GNB1L: variants seen among roughly 807,000 people sequenced by gnomAD.
GNB1L encodes the protein G protein subunit beta 1 like.
Under a neutral mutation model 29.1 loss-of-function variants are expected in GNB1L, and 20 were observed. The observed-to-expected ratio is 0.69, with a 90% CI of 0.48 to 1.00. GNB1L has a LOEUF of 1.00. Ranked by LOEUF, GNB1L falls within the 50% of genes least tolerant of loss-of-function variation. The probability of loss-of-function intolerance (pLI) is 0.00; values close to 1 mark genes in which losing one functional copy is unlikely to be tolerated. For missense variants in GNB1L, 421 were observed against 464.9 expected, an observed-to-expected ratio of 0.91 and a Z score of 0.87; for synonymous variants, 193 against 206.5, an observed-to-expected ratio of 0.93 and a Z score of 0.56.
chr22:19,802,186 C>T lies in GNB1L; in HGVS notation c.547G>A (p.Ala183Thr). 6.2e-7 allele frequency: 1 copy of T among 1,613,086 alleles called. No individual in the cohort carries two copies. The highest frequency in any genetic ancestry group is 8.5e-7 in the Non-Finnish European group (1 of 1,180,014). ...ADCSSRPLLL[A>T]GYEDGSVVLW... ...ACCACCGATCCATCCTCATAGCCGG[C>T]CAGAAGGAGTGGGCGGGAGCTGCAG... The change falls in exon 7 of 8, where the codon GCC becomes ACC. Residue 183 changes from alanine to threonine, a missense_variant. Ala to Thr is a moderately conservative substitution (Grantham distance 58). Transcript: ENST00000329517.
At position 19,810,070 on chromosome 22, in the gene GNB1L, T is replaced by G. The variant is rs116907521; in HGVS notation, c.417+2215A>C. ...CTTTTTGCACTCCTCTGTGCCAGAT[T>G]TCTTAAAATAAGATCTGTTCTTCTT... On this transcript the variant is annotated intron_variant, in intron 5 of 7. Transcript: ENST00000329517. Among the ~76,000 whole-genome samples, 378 of 152,358 alleles carry G rather than the reference T, an allele frequency of 2.5e-3. 6 individuals carry two copies. In the East Asian group the frequency reaches 0.039, roughly 16 times the overall value.
intron 2 of GNB1L, among the ~76,000 whole-genome samples, chr22:19,842,442 C>T (rs1013357216): frequency 2.6e-5 from 4 of 152,234 alleles, no homozygotes; most frequent in Non-Finnish European, 5.9e-5. Flanking sequence ...CTGATGTCTG[C>T]CCACCAAGGC....
intron 6 of GNB1L, among the ~76,000 whole-genome samples, chr22:19,802,678 A>C (rs763533056): frequency 7.2e-5 from 11 of 152,198 alleles, no homozygotes; most frequent in Non-Finnish European, 1.2e-4. Context: ...GCCACCACTT[A>C]CTGGGGCTGG....
intron 6 of GNB1L, among the ~76,000 whole-genome samples, chr22:19,805,398 C>T (rs1340396556): frequency 1.3e-5 from 2 of 152,250 alleles, no homozygotes; most frequent in Non-Finnish European, 2.9e-5. Flanking sequence ...CATCCGGTCT[C>T]GCTCTCATGA....
chr22:19,796,604 GAACA>G (rs1937309098), intron 7 of GNB1L, among the ~76,000 whole-genome samples: 1 of 152,186 alleles, frequency 6.6e-6, no homozygotes, highest in South Asian at 2.1e-4. Flanking sequence ...AGCAGCCAGA[GAACA>G]AATAAAAATG....
At chr22:19,805,231 T>A (rs2145870186) in intron 6 of GNB1L, among the ~76,000 whole-genome samples, 1 of 152,324 alleles carries the variant, frequency 6.6e-6, no homozygotes, top group African/African-American at 2.4e-5. Context: ...CAAGTGAACC[T>A]TCTCAGTCAA....
chr22:19,797,959 C>T (rs76698965), intron 7 of GNB1L, among the ~76,000 whole-genome samples: 17,046 of 152,234 alleles, frequency 0.11, 1,556 homozygotes, highest in East Asian at 0.44. Flanking sequence ...CTGGGGGTCT[C>T]GGCGGTATCC....
In GNB1L at chr22:19,812,462, G is replaced by A; in HGVS notation, c.255-15C>T. On this transcript the variant is annotated splice_polypyrimidine_tract_variant and intron_variant, in intron 4 of 7. Transcript: ENST00000329517. ...CCCGGCCCTGACTGCCAGACAAAGA[G>A]GAGACAGGCCTGAGACTCCCCTTGA... is the stretch of plus-strand genomic sequence containing the variant. The A allele has an allele frequency of 6.2e-7, 1 of 1,607,550 alleles. No homozygotes were observed. The highest frequency in any genetic ancestry group is 8.5e-7 in the Non-Finnish European group (1 of 1,176,150).
At chr22:19,792,339 C>T in intron 7 of GNB1L, 1 of 1,101,966 alleles carries the variant, frequency 9.1e-7, no homozygotes, top group South Asian at 1.3e-5. Context: ...GGCTCTGGCC[C>T]CTGCTGTCAT....
chr22:19,788,673 C>T lies in GNB1L; in HGVS notation c.*36G>A, dbSNP rs574384524. 1.2e-6 allele frequency: 2 copies of T among 1,612,412 alleles called. No homozygotes were observed. Among genetic ancestry groups the T allele is most frequent in the South Asian group, 2.2e-5 (2 of 91,032 alleles). ...TGGGGCCTGATGCCCACCTCCCTGCCCGCCCTCCTCGTCTCCCGGGAAGGG... is the reference window on the plus strand; with the variant it reads ...TGGGGCCTGATGCCCACCTCCCTGCTCGCCCTCCTCGTCTCCCGGGAAGGG... On this transcript the variant is annotated 3_prime_UTR_variant, in exon 8 of 8. Coordinates refer to ENST00000329517, the MANE Select transcript of GNB1L (RefSeq NM_053004.3).
intron 2 of GNB1L, among the ~76,000 whole-genome samples, chr22:19,828,325 G>C (rs1411482502): frequency 6.6e-6 from 1 of 152,176 alleles, no homozygotes; most frequent in East Asian, 1.9e-4. Context: ...GACAAAGACA[G>C]ATAGTTTTTA....
chr22:19,822,803 A>G lies in GNB1L; in HGVS notation c.-20-1428T>C, dbSNP rs1003954722. Among the ~76,000 whole-genome samples the G allele has an allele frequency of 3.3e-5, 5 of 152,158 alleles. No homozygotes were observed. In the East Asian group the frequency reaches 5.8e-4, roughly 18 times the overall value. The stretch of plus-strand genomic sequence containing the variant: ...ATGGGGGTGCAGGTTCAGAGGCAGG[A>G]GTGCTGTGGATGTCTGGAGGCAGCT... On this transcript the variant is annotated intron_variant, in intron 2 of 7. Transcript: ENST00000329517.
At chr22:19,823,637 C>T (rs1471642430) in intron 2 of GNB1L, among the ~76,000 whole-genome samples, 1 of 152,202 alleles carries the variant, frequency 6.6e-6, no homozygotes. Context: ...CAGAGCCTGA[C>T]AGGTCACCTC....
At chr22:19,840,167 A>T (rs895141556) in intron 2 of GNB1L, among the ~76,000 whole-genome samples, 1 of 152,186 alleles carries the variant, frequency 6.6e-6, no homozygotes, top group African/African-American at 2.4e-5. Context: ...GCAATTGACC[A>T]TGGGTAACTG....
chr22:19,854,729 T>A (rs546367781), intron 1 of GNB1L, 91 bp downstream of exon 1: 21 of 152,208 alleles, frequency 1.4e-4, no homozygotes, highest in African/African-American at 3.4e-4. Flanking sequence ...CCTCTGCGGA[T>A]CAGAAGTCGG....
At chr22:19,801,605 G>C (rs1937372244) in intron 7 of GNB1L, among the ~76,000 whole-genome samples, 1 of 151,552 alleles carries the variant, frequency 6.6e-6, no homozygotes, top group African/African-American at 2.4e-5. Flanking sequence ...CCTCGGGCCA[G>C]CTCCAGACCA....
At chr22:19,817,342 G>A (rs755398999) in intron 4 of GNB1L, among the ~76,000 whole-genome samples, 3 of 152,168 alleles carry the variant, frequency 2.0e-5, no homozygotes, top group Non-Finnish European at 2.9e-5. Context: ...TTGGCTGGAC[G>A]TAACGGCACA....
chr22:19,830,668 T>C (rs1160487602), intron 2 of GNB1L, among the ~76,000 whole-genome samples: 5 of 152,202 alleles, frequency 3.3e-5, no homozygotes, highest in Non-Finnish European at 5.9e-5. Flanking sequence ...CCAGCAAGCT[T>C]CTTTATGGAG....
At chr22:19,842,118 G>A (rs2145897467) in intron 2 of GNB1L, among the ~76,000 whole-genome samples, 1 of 152,316 alleles carries the variant, frequency 6.6e-6, no homozygotes, top group South Asian at 2.1e-4. Context: ...AGACCTCAGT[G>A]TCATCCCCTG....
Sources: allele counts gnomAD v4.1 joint callset (sites outside exome capture counted in the v4.1 genomes callset), GRCh38; gene constraint gnomAD v4.1.1; transcripts MANE v1.5; gene names NCBI Gene and HGNC (gene_info 2026-07-23, HGNC 2026-07-21).